Variants in RAB3IL1 observed in about 807,000 individuals in gnomAD.
The protein encoded by RAB3IL1 is RAB3A interacting protein like 1.
RAB3IL1 carries 37 observed loss-of-function variants against 49.2 expected under a neutral mutation model. The observed-to-expected ratio is 0.75, with a 90% confidence interval of 0.58 to 0.99. RAB3IL1 has a LOEUF of 0.99. RAB3IL1 is among the 50% of genes least tolerant of loss of function. The pLI, the probability that RAB3IL1 is intolerant of heterozygous loss-of-function variation, is 0.00. For missense variants in RAB3IL1, 484 were observed against 513.0 expected, an observed-to-expected ratio of 0.94 and a Z score of 0.55; for synonymous variants, 193 against 213.9, an observed-to-expected ratio of 0.90 and a Z score of 0.85.
Position 61,897,882 on chromosome 11 carries a change from A to G in RAB3IL1, c.*396T>C. On this transcript the variant is annotated 3_prime_UTR_variant, in exon 10 of 10. Transcript: ENST00000394836. ...TACCCTGGAGATCCAGCCACCCAGA[A>G]CAGTCCCTTTCTGAAGACAAGCCAG... 4.9e-6 allele frequency: 1 copy of G among 203,702 alleles called. No homozygotes were observed. Among genetic ancestry groups the G allele is most frequent in the Admixed American group, 5.5e-5 (1 of 18,320 alleles). 12.6% of individuals were successfully genotyped at this position (203,702 alleles called of 1,614,324 possible). A position where few individuals can be genotyped will look rare whatever the true frequency, so the allele number is the denominator to read the frequency against.
chr11:61,902,957 T>G (rs1938994668), intron 7 of RAB3IL1, among the ~76,000 whole-genome samples: 1 of 152,074 alleles, frequency 6.6e-6, no homozygotes, highest in East Asian at 1.9e-4. Flanking sequence ...GCTCCCCTGC[T>G]TCATCCATGC....
chr11:61,920,097 TG>T, upstream of RAB3IL1: 2 of 1,337,014 alleles, frequency 1.5e-6, no homozygotes, highest in Non-Finnish European at 9.7e-7. Flanking sequence ...GGCACAGGCC[TG>T]ATGGGGCGTA....
rs572359604 is a variant in RAB3IL1 at position 61,902,195 on chromosome 11, T to G, written c.999+247A>C. On this transcript the variant is annotated intron_variant, in intron 8 of 9. Coordinates refer to ENST00000394836, the MANE Select transcript of RAB3IL1 (RefSeq NM_013401.4). ...TGGGCGTGGTGGCACATGCCTGTAA[T>G]CCCAGCTACTTGGGAAGCTGAGGCA... is the stretch of plus-strand genomic sequence containing the variant. Among the ~76,000 whole-genome samples, 4 of 152,324 alleles carry G rather than the reference T, an allele frequency of 2.6e-5. No individual in the cohort carries two copies. The South Asian group carries it at 8.3e-4, about 32-fold the overall frequency.
At chr11:61,936,189 T>C in the RAB3IL1 span, among the ~76,000 whole-genome samples, 1 of 152,094 alleles carries the variant, frequency 6.6e-6, no homozygotes, top group East Asian at 1.9e-4. Flanking sequence ...AACATATGCA[T>C]AATGAAAGTC....
At chr11:61,921,019 T>A, upstream of RAB3IL1, among the ~76,000 whole-genome samples, 1 of 152,238 alleles carries the variant, frequency 6.6e-6, no homozygotes, top group South Asian at 2.1e-4. Context: ...CAGTTTTGTT[T>A]TTTGTTTGTT....
the RAB3IL1 span, among the ~76,000 whole-genome samples, chr11:61,934,651 G>A: frequency 3.2e-4 from 48 of 151,176 alleles, no homozygotes; most frequent in African/African-American, 1.1e-3. Flanking sequence ...AGACCTGAAG[G>A]GGTCCTAAAT....
In RAB3IL1 at chr11:61,898,205, C is replaced by T; in HGVS notation, c.*73G>A. ...CAGGGCTGGCTCCAGGCCCCCGTCT[C>T]CCTGTGTGTCGGCTTGTTCTGGGGT... is the stretch of plus-strand genomic sequence containing the variant. On this transcript the variant is annotated 3_prime_UTR_variant, in exon 10 of 10. Coordinates refer to ENST00000394836, the MANE Select transcript of RAB3IL1 (RefSeq NM_013401.4). The surrounding 1 kb of genome is among the most constrained non-coding windows in gnomAD (Gnocchi z 5.1). 1 of 1,427,214 alleles carries T rather than the reference C, an allele frequency of 7.0e-7. No individual in the cohort carries two copies. Among genetic ancestry groups the T allele is most frequent in the Non-Finnish European group, 9.7e-7 (1 of 1,025,858 alleles). 88.4% of individuals were successfully genotyped at this position (1,427,214 alleles called of 1,614,324 possible). A position where few individuals can be genotyped will look rare whatever the true frequency, so the allele number is the denominator to read the frequency against.
At chr11:61,934,450 G>GTGTATGTATGTATA in the RAB3IL1 span, among the ~76,000 whole-genome samples, 1,245 of 29,682 alleles carry the variant, frequency 0.042, 43 homozygotes, top group Non-Finnish European at 0.057. Context: ...GTGTGTGTAT[G>GTGTATGTATGTATA]TATATATATA....
the RAB3IL1 span, among the ~76,000 whole-genome samples, chr11:61,934,315 A>AAT: frequency 0.25 from 11,440 of 45,692 alleles, 1,006 homozygotes; most frequent in East Asian, 0.57. Flanking sequence ...GGCCTGAGTA[A>AAT]ATATACACAC....
chr11:61,941,373 A>G, the RAB3IL1 span, among the ~76,000 whole-genome samples: 3 of 152,234 alleles, frequency 2.0e-5, no homozygotes, highest in South Asian at 2.1e-4. Context: ...GTTCCAAAAA[A>G]TAGAGAAGAA....
At chr11:61,935,203 C>T in the RAB3IL1 span, among the ~76,000 whole-genome samples, 3 of 151,984 alleles carry the variant, frequency 2.0e-5, no homozygotes, top group African/African-American at 4.8e-5. Context: ...CCATGAATCA[C>T]GAGGTCTGGG....
upstream of RAB3IL1, among the ~76,000 whole-genome samples, chr11:61,923,275 A>G (rs1350279270): frequency 6.6e-6 from 1 of 152,120 alleles, no homozygotes; most frequent in Non-Finnish European, 1.5e-5. Context: ...AGGCTCAGAG[A>G]CTCATCCAGG....
Position 61,904,670 on chromosome 11 carries a change from C to T in RAB3IL1, c.787-12G>A. 1 of 1,606,238 alleles carries T rather than the reference C, an allele frequency of 6.2e-7. No homozygotes were observed. ...ACCAGCACCGAGAGCTGTGGCAGAC[C>T]AGGGAGGCAGGCAGGGTGGTAAGGG... On this transcript the variant is annotated splice_polypyrimidine_tract_variant and intron_variant, in intron 6 of 9. Coordinates refer to ENST00000394836, the MANE Select transcript of RAB3IL1 (RefSeq NM_013401.4).
chr11:61,906,444 A>C lies in RAB3IL1; in HGVS notation c.657+22T>G. 6.5e-7 allele frequency: 1 copy of C among 1,537,304 alleles called. No individual in the cohort carries two copies. Among genetic ancestry groups the C allele is most frequent in the Non-Finnish European group, 8.7e-7 (1 of 1,144,808 alleles). ...GGCACTGCCACCCTTCCCCGTGCCCAGAGCCCGCTTCCCACCCTCACCTCC... is the reference window on the plus strand; with the variant it reads ...GGCACTGCCACCCTTCCCCGTGCCCCGAGCCCGCTTCCCACCCTCACCTCC... On this transcript the variant is annotated intron_variant, in intron 5 of 9. Coordinates refer to ENST00000394836, the MANE Select transcript of RAB3IL1 (RefSeq NM_013401.4). The surrounding 1 kb of genome is among the most constrained non-coding windows in gnomAD (Gnocchi z 4.6).
At chr11:61,933,938 T>C in the RAB3IL1 span, among the ~76,000 whole-genome samples, 1 of 151,562 alleles carries the variant, frequency 6.6e-6, no homozygotes, top group Non-Finnish European at 1.5e-5. Flanking sequence ...GAGCAAGACC[T>C]TGTCTCAGAA....
At chr11:61,933,551 C>CAA in the RAB3IL1 span, among the ~76,000 whole-genome samples, 1 of 152,006 alleles carries the variant, frequency 6.6e-6, no homozygotes, top group Non-Finnish European at 1.5e-5. Context: ...TAATTTGTTA[C>CAA]AATTATCATT....
the RAB3IL1 span, among the ~76,000 whole-genome samples, chr11:61,934,469 T>TATATAC: frequency 1.9e-5 from 1 of 53,470 alleles, no homozygotes; most frequent in Non-Finnish European, 4.0e-5. Context: ...TATATATATA[T>TATATAC]ATATATATAT....
At chr11:61,905,565 G>C (rs1939142879) in intron 5 of RAB3IL1, among the ~76,000 whole-genome samples, 1 of 152,184 alleles carries the variant, frequency 6.6e-6, no homozygotes. Flanking sequence ...CAGACAGACA[G>C]ACAGACAGGT....
chr11:61,909,617 C>T (rs532659472), intron 1 of RAB3IL1, among the ~76,000 whole-genome samples: 114 of 152,334 alleles, frequency 7.5e-4, no homozygotes, highest in African/African-American at 2.6e-3. Context: ...GGTGGGGACA[C>T]ATATCCATCA....
Sources: gnomAD v4.1 joint callset for allele counts (sites outside exome capture counted in the v4.1 genomes callset) on GRCh38, gnomAD v4.1.1 for gene constraint, Gnocchi (gnomAD v3.1) non-coding constraint, MANE v1.5 for transcripts, NCBI Gene and HGNC (gene_info 2026-07-23, HGNC 2026-07-21) for gene names.